Variants in LAMA2 observed in about 807,000 individuals in gnomAD.
LAMA2 encodes laminin subunit alpha 2, also known as laminin subunit alpha-2.
A neutral mutation model predicts 364.8 loss-of-function variants in LAMA2; 269 were observed. The observed-to-expected ratio is 0.74, with a 90% CI of 0.67 to 0.82. LAMA2 has a LOEUF of 0.82. Ranked by LOEUF, LAMA2 falls within the 40% of genes least tolerant of loss-of-function variation. The probability of loss-of-function intolerance (pLI) is 0.00; values close to 1 mark genes in which losing one functional copy is unlikely to be tolerated. For synonymous variants in LAMA2, 1,379 were observed against 1,370.6 expected, an observed-to-expected ratio of 1.01 and a Z score of -0.14; for missense variants, 3,807 against 3,873.2, an observed-to-expected ratio of 0.98 and a Z score of 0.45.
intron 60 of LAMA2, among the ~76,000 whole-genome samples, chr6:129,504,557 T>G (rs1329426956): frequency 1.3e-5 from 2 of 152,186 alleles, no homozygotes; most frequent in African/African-American, 4.8e-5. Context: ...AAATTCAGAC[T>G]CAAGGTTTTT....
chr6:129,516,250 T>C lies in LAMA2; in HGVS notation c.9272T>C (p.Leu3091Pro). The stretch of plus-strand genomic sequence containing the variant: ...CCGTTCCGAGGTTGCATCAGATCCC[T>C]GAAGCTCACCAAAGGCACAGGCAAG... ...SIPFRGCIRS[L>P]KLTKGTGKPL... Residue 3091 changes from leucine (L) to proline (P), a missense_variant, in exon 65 of 65, where the codon CTG (leucine) becomes CCG (proline). Leu to Pro is a moderately conservative substitution (Grantham distance 98). Transcript: ENST00000421865. 1 of 1,614,106 alleles carries C rather than the reference T, an allele frequency of 6.2e-7. No homozygotes were observed. The highest frequency in any genetic ancestry group is 8.5e-7 in the Non-Finnish European group (1 of 1,179,988).
intron 22 of LAMA2, among the ~76,000 whole-genome samples, chr6:129,305,808 A>C (rs1465515362): frequency 6.7e-6 from 1 of 149,034 alleles, no homozygotes; most frequent in Admixed American, 6.7e-5. Flanking sequence ...TGCTTGCCTT[A>C]TCTGCTCTTG....
At chr6:129,277,313 T>C (rs1045721327) in intron 17 of LAMA2, among the ~76,000 whole-genome samples, 1 of 152,208 alleles carries the variant, frequency 6.6e-6, no homozygotes, top group Non-Finnish European at 1.5e-5. Context: ...AGTGACTGCA[T>C]TTGCCAAGGC....
At position 129,209,564 on chromosome 6, in the gene LAMA2, T is replaced by C. The variant is rs372497468; in HGVS notation, c.1782+16711T>C. On this transcript the variant is annotated intron_variant, in intron 12 of 64. Coordinates refer to ENST00000421865, the MANE Select transcript of LAMA2 (RefSeq NM_000426.4). ...CATCCCTGATTTATATAGTACAGTA[T>C]GTTTATTTAAAGGAGATAAGCCAGG... 5.3e-5 allele frequency among the ~76,000 whole-genome samples: 8 copies of C among 152,334 alleles called. No homozygotes were observed. The South Asian group carries it at 8.3e-4, about 16-fold the overall frequency.
chr6:129,489,677 G>T (rs1444151307), intron 56 of LAMA2, among the ~76,000 whole-genome samples: 2 of 152,126 alleles, frequency 1.3e-5, no homozygotes, highest in African/African-American at 4.8e-5. Flanking sequence ...ATGAGATAAA[G>T]ATTTTAACAC....
intron 41 of LAMA2, among the ~76,000 whole-genome samples, chr6:129,434,084 G>A (rs556138330): frequency 6.6e-6 from 1 of 152,272 alleles, no homozygotes; most frequent in African/African-American, 2.4e-5. Context: ...TTTTGAGATC[G>A]TACATAGTTA....
Position 129,373,733 on chromosome 6 carries a change from A to G in LAMA2, c.4959+3743A>G, listed in dbSNP as rs9388699. On this transcript the variant is annotated intron_variant, in intron 34 of 64. Coordinates refer to ENST00000421865, the MANE Select transcript of LAMA2 (RefSeq NM_000426.4). ...CATGTGTTTGGTAAGCTGTCCCTCAATTGGGGTTTGCCTCATATCTTTCTC... is the reference window on the plus strand; with the variant it reads ...CATGTGTTTGGTAAGCTGTCCCTCAGTTGGGGTTTGCCTCATATCTTTCTC... Among the ~76,000 whole-genome samples the G allele has an allele frequency of 2.6e-4, 40 of 152,234 alleles. No homozygotes were observed. The East Asian group carries it at 7.2e-3, about 27-fold the overall frequency.
At chr6:129,142,385 G>A (rs1778177534) in intron 4 of LAMA2, among the ~76,000 whole-genome samples, 1 of 151,990 alleles carries the variant, frequency 6.6e-6, no homozygotes, top group African/African-American at 2.4e-5. Context: ...GGTTGAAAGA[G>A]AGCTAGCTAG....
intron 1 of LAMA2, among the ~76,000 whole-genome samples, chr6:128,935,009 C>A (rs1462209056): frequency 6.6e-6 from 1 of 152,054 alleles, no homozygotes; most frequent in Non-Finnish European, 1.5e-5. Flanking sequence ...GATCTTTCAC[C>A]TCCTTGGTTA....
At chr6:129,456,013 G>T (rs927766282) in intron 47 of LAMA2, among the ~76,000 whole-genome samples, 2 of 152,076 alleles carry the variant, frequency 1.3e-5, no homozygotes. Flanking sequence ...TAGGAAAAAG[G>T]CTTTCCACTT....
chr6:129,452,956 T>C (rs763846944), intron 45 of LAMA2, 32 bp from the exon 46 acceptor site: 17 of 1,603,352 alleles, frequency 1.1e-5, no homozygotes, highest in South Asian at 4.4e-5. Flanking sequence ...AGAGATTTAC[T>C]CTTGGTTCTT....
At chr6:129,338,094 T>A (rs1776057570) in intron 29 of LAMA2, among the ~76,000 whole-genome samples, 1 of 152,160 alleles carries the variant, frequency 6.6e-6, no homozygotes, top group Admixed American at 6.5e-5. Flanking sequence ...GCTTTCTCTG[T>A]TGAAGAAATT....
intron 1 of LAMA2, 52 bp downstream of exon 1, chr6:128,883,409 C>T: frequency 6.5e-7 from 1 of 1,547,842 alleles, no homozygotes; most frequent in Non-Finnish European, 8.7e-7. Flanking sequence ...ACCGAGATTC[C>T]TCACTTCTTC....
intron 1 of LAMA2, among the ~76,000 whole-genome samples, chr6:128,892,961 A>G (rs978655201): frequency 1.3e-5 from 2 of 151,962 alleles, no homozygotes; most frequent in Non-Finnish European, 2.9e-5. Context: ...TTTTGAAAAT[A>G]TTTCAGACAA....
chr6:129,444,037 T>C (rs1404773112), intron 44 of LAMA2, among the ~76,000 whole-genome samples: 1 of 152,082 alleles, frequency 6.6e-6, no homozygotes, highest in African/African-American at 2.4e-5. Flanking sequence ...GAATATAGAT[T>C]AAAAATTAAG....
At chr6:129,140,095 T>C (rs1778031422) in intron 4 of LAMA2, among the ~76,000 whole-genome samples, 1 of 152,112 alleles carries the variant, frequency 6.6e-6, no homozygotes, top group Non-Finnish European at 1.5e-5. Context: ...CCAAAACAAA[T>C]GTAGCAACAT....
Position 129,428,893 on chromosome 6 carries a change from T to G in LAMA2, c.5968+1039T>G, listed in dbSNP as rs114200930. 2.8e-3 allele frequency among the ~76,000 whole-genome samples: 421 copies of G among 152,336 alleles called. 2 individuals are homozygous for G. The highest frequency in any genetic ancestry group is 9.6e-3 in the African/African-American group (398 of 41,572). ...CCATTACAATTATTATTTTATGCAC[T>G]TATCTCTTGTCTCCCATTTGAATTG... On this transcript the variant is annotated intron_variant, in intron 41 of 64. Transcript: ENST00000421865.
intron 51 of LAMA2, among the ~76,000 whole-genome samples, chr6:129,467,358 G>A (rs147464809): frequency 5.3e-5 from 8 of 151,732 alleles, no homozygotes; most frequent in East Asian, 1.9e-4. Flanking sequence ...ACTCCAAAAG[G>A]GGGGAGGGAG....
intron 1 of LAMA2, among the ~76,000 whole-genome samples, chr6:128,915,282 C>CTT (rs1409470747): frequency 6.6e-6 from 1 of 152,146 alleles, no homozygotes; most frequent in Non-Finnish European, 1.5e-5. Context: ...ATAAAAAATT[C>CTT]TTTTTCTTTA....
Sources: allele counts gnomAD v4.1 joint callset (sites outside exome capture counted in the v4.1 genomes callset), GRCh38; gene constraint gnomAD v4.1.1; transcripts MANE v1.5; gene names NCBI Gene and HGNC (gene_info 2026-07-23, HGNC 2026-07-21).